CACHD1: variants seen among roughly 807,000 people sequenced by gnomAD.
The protein encoded by CACHD1 is cache domain containing 1, also known as VWFA and cache domain-containing protein 1.
A neutral mutation model predicts 138.7 loss-of-function variants in CACHD1; 71 were observed. The ratio of observed to expected loss-of-function variants is 0.51; its 90% CI spans 0.42 to 0.62. The LOEUF is 0.62. Ranked by LOEUF, CACHD1 falls within the 20% of genes least tolerant of loss-of-function variation. The pLI is 0.00. For synonymous variants in CACHD1, 578 were observed against 591.5 expected (o/e 0.98, Z 0.33); for missense variants, 1,389 against 1,625.3 (o/e 0.85, Z 2.50).
chr1:64,641,437 G>A (rs994182606), intron 7 of CACHD1, among the ~76,000 whole-genome samples: 1 of 152,176 alleles, frequency 6.6e-6, no homozygotes, highest in African/African-American at 2.4e-5. Flanking sequence ...CATTCATGGT[G>A]ATGTTCCTGC....
Position 64,664,572 on chromosome 1 carries a change from C to A in CACHD1, c.2169C>A (p.Ser723Arg). The A allele has an allele frequency of 1.2e-6, 2 of 1,614,154 alleles. No individual in the cohort carries two copies. Among genetic ancestry groups the A allele is most frequent in the Non-Finnish European group, 8.5e-7 (1 of 1,179,994 alleles). ...GGATGACACAAATGGAAATGAGTAG[C>A]CTGAACACTTACATTGTCCGCCGTT... ...DEWMTQMEMS[S>R]LNTYIVRRYI... The change falls in exon 15 of 27, where the codon AGC (serine) becomes AGA (arginine). Residue 723 changes from serine to arginine, a missense_variant. This residue lies in a region of CACHD1 where 1,000 missense variants were observed against 1,114.7 expected (regional missense o/e 0.90). Transcript: ENST00000651257.
At chr1:64,601,532 C>T (rs1321878737) in intron 3 of CACHD1, among the ~76,000 whole-genome samples, 2 of 152,216 alleles carry the variant, frequency 1.3e-5, no homozygotes, top group Admixed American at 1.3e-4. Flanking sequence ...ACAGTAAAAT[C>T]CAGCTATCTC....
intron 4 of CACHD1, among the ~76,000 whole-genome samples, chr1:64,628,645 A>G (rs879691300): frequency 6.6e-6 from 1 of 152,168 alleles, no homozygotes; most frequent in Non-Finnish European, 1.5e-5. Context: ...TGTAAGGAAC[A>G]CAGGAGTCAG....
rs180708782 is a variant in CACHD1, at chr1:64,664,472, C to T, written c.2095-26C>T. On this transcript the variant is annotated intron_variant, in intron 14 of 26. Coordinates refer to ENST00000651257, the MANE Select transcript of CACHD1 (RefSeq NM_020925.4). ...TTTTCATGTGAGTTTTAAAGGATCC[C>T]TGCTATGTCTTCCTTTGTTTCCCAG... 7.2e-3 allele frequency: 11,643 copies of T among 1,610,870 alleles called. 55 individuals are homozygous for T. Among genetic ancestry groups the T allele is most frequent in the Non-Finnish European group, 8.9e-3 (10,498 of 1,177,454 alleles).
At chr1:64,629,565 G>A in intron 5 of CACHD1, 84 bp downstream of exon 5, 1 of 1,463,060 alleles carries the variant, frequency 6.8e-7, no homozygotes, top group African/African-American at 1.4e-5. Flanking sequence ...TTCTACTCAT[G>A]GCTATGCCTT....
chr1:64,473,997 C>T (rs1228295671), intron 1 of CACHD1, among the ~76,000 whole-genome samples: 6 of 152,176 alleles, frequency 3.9e-5, no homozygotes, highest in Non-Finnish European at 7.3e-5. Context: ...AAAGCGTCTA[C>T]CTTGAAGATT....
intron 2 of CACHD1, among the ~76,000 whole-genome samples, chr1:64,572,753 GTGACCCT>G (rs1646936290): frequency 6.6e-6 from 1 of 152,132 alleles, no homozygotes; most frequent in South Asian, 2.1e-4. Flanking sequence ...ATCAGGGTAT[GTGACCCT>G]GGAGCCCAGA....
chr1:64,504,763 A>G (rs1180267239), intron 1 of CACHD1, among the ~76,000 whole-genome samples: 3 of 152,116 alleles, frequency 2.0e-5, no homozygotes, highest in African/African-American at 7.2e-5. Context: ...ACCTACTTTG[A>G]GGTGGACTGC....
intron 4 of CACHD1, among the ~76,000 whole-genome samples, chr1:64,611,691 A>G (rs1647538882): frequency 2.0e-5 from 3 of 152,342 alleles, no homozygotes; most frequent in Admixed American, 6.5e-5. Context: ...ATTTTGGTCC[A>G]AGCCATTCAA....
chr1:64,599,311 T>A (rs530701426), intron 3 of CACHD1, among the ~76,000 whole-genome samples: 19 of 152,276 alleles, frequency 1.2e-4, no homozygotes, highest in African/African-American at 4.6e-4. Flanking sequence ...GTTGTTTGAT[T>A]ACAAAATAAG....
At chr1:64,684,286 T>TA (rs919034819) in intron 26 of CACHD1, among the ~76,000 whole-genome samples, 2 of 151,904 alleles carry the variant, frequency 1.3e-5, no homozygotes, top group African/African-American at 4.8e-5. Flanking sequence ...TCATTTGTGG[T>TA]AAAAATTTTT....
rs186615547 is a variant in CACHD1 at position 64,585,563 on chromosome 1, A to G, written c.410+3259A>G. Among the ~76,000 whole-genome samples the G allele has an allele frequency of 1.9e-3, 289 of 152,338 alleles. 2 individuals carry two copies. Among genetic ancestry groups the G allele is most frequent in the African/African-American group, 6.4e-3 (268 of 41,576 alleles). On this transcript the variant is annotated intron_variant, in intron 3 of 26. Coordinates refer to ENST00000651257, the MANE Select transcript of CACHD1 (RefSeq NM_020925.4). ...GCTGAAGATGCAGTATTCTCTCCTG[A>G]CCAGGAGTAGTTGACAGAGCCAAGA...
chr1:64,582,070 GAC>G, intron 2 of CACHD1, 84 bp from the exon 3 acceptor site: 1 of 1,419,522 alleles, frequency 7.0e-7, no homozygotes, highest in Non-Finnish European at 9.7e-7. Context: ...TGCAGCTTGT[GAC>G]ACAGATTACT....
intron 1 of CACHD1, among the ~76,000 whole-genome samples, chr1:64,523,837 G>GAT (rs1553129308): frequency 6.6e-6 from 1 of 151,766 alleles, no homozygotes; most frequent in Admixed American, 6.6e-5. Context: ...TCCAATGATT[G>GAT]TGCTGTTTGT....
chr1:64,501,160 G>A (rs1188004119), intron 1 of CACHD1, among the ~76,000 whole-genome samples: 1 of 152,096 alleles, frequency 6.6e-6, no homozygotes, highest in African/African-American at 2.4e-5. Flanking sequence ...TCTTGCAAAT[G>A]TGAAGATTCT....
rs780353841 is a variant in CACHD1 at position 64,632,637 on chromosome 1, A to G, written c.683A>G (p.His228Arg). Residue 228 changes from histidine to arginine, a missense_variant, in exon 6 of 27, where the codon CAC becomes CGC. His to Arg is a conservative substitution (Grantham distance 29, BLOSUM62 0). Coordinates refer to ENST00000651257, the MANE Select transcript of CACHD1 (RefSeq NM_020925.4). ...TCTACAGTCCGGCCGCAGTCAAAGCACATAGTAGTGATTCTGGACCACGGG... is the reference window on the plus strand; with the variant it reads ...TCTACAGTCCGGCCGCAGTCAAAGCGCATAGTAGTGATTCTGGACCACGGG... ...YVSTVRPQSK[H>R]IVVILDHGAS... 8 of 1,614,100 alleles carry G rather than the reference A, an allele frequency of 5.0e-6. No homozygotes were observed. The South Asian group carries it at 7.7e-5, about 16-fold the overall frequency.
At position 64,681,550 on chromosome 1, in the gene CACHD1, T is replaced by TGTTTTTTG. The variant is rs1557555815; in HGVS notation, c.3484+215_3484+216insGTTTTTTG. On this transcript the variant is annotated intron_variant, in intron 25 of 26. Coordinates refer to ENST00000651257, the MANE Select transcript of CACHD1 (RefSeq NM_020925.4). Reference sequence around the variant, plus strand: ...CAAAAGATTTTATTGTGTTTTTTTTTTTTTTTTTTTTTTTGCATTAAGTGT... The same window carrying TGTTTTTTG: ...CAAAAGATTTTATTGTGTTTTTTTTTGTTTTTTGTTTTTTTTTTTTTTGCATTAAGTGT... Among the ~76,000 whole-genome samples the TGTTTTTTG allele has an allele frequency of 6.2e-4, 71 of 115,186 alleles. 2 individuals are homozygous for TGTTTTTTG. The South Asian group carries it at 0.013, about 20-fold the overall frequency. The allele number at this position is 115,186 out of a possible 152,430, so 75.6% of individuals were successfully genotyped here.
At chr1:64,580,095 A>G (rs774219880) in intron 2 of CACHD1, among the ~76,000 whole-genome samples, 17 of 152,064 alleles carry the variant, frequency 1.1e-4, no homozygotes, top group Middle Eastern at 6.3e-3. Context: ...CTGTTTAAAA[A>G]CCACGTTAAC....
At chr1:64,684,383 T>TTG (rs1650293440) in intron 26 of CACHD1, among the ~76,000 whole-genome samples, 1 of 147,874 alleles carries the variant, frequency 6.8e-6, no homozygotes, top group African/African-American at 2.5e-5. Flanking sequence ...TTTTTTTTTT[T>TTG]TGGAGACACT....
Sources: gnomAD v4.1 joint callset for allele counts (sites outside exome capture counted in the v4.1 genomes callset) on GRCh38, gnomAD v4.1.1 for gene constraint, gnomAD v4.1.1 regional missense constraint, MANE v1.5 for transcripts, NCBI Gene and HGNC (gene_info 2026-07-23, HGNC 2026-07-21) for gene names.